Variants in ERCC6L2 observed in about 807,000 individuals in gnomAD.
The protein encoded by ERCC6L2 is DNA excision repair protein ERCC-6-like 2.
A neutral mutation model predicts 132.0 loss-of-function variants in ERCC6L2; 77 were observed. That is an observed-to-expected ratio of 0.58 (90% CI 0.49 to 0.71). The LOEUF (loss-of-function observed/expected upper bound fraction) is 0.71. Among genes scored for constraint, ERCC6L2 ranks in the 30% least tolerant of loss-of-function variants. The pLI, the probability that ERCC6L2 is intolerant of heterozygous loss-of-function variation, is 0.00. For missense variants in ERCC6L2, 1,542 were observed against 1,837.6 expected (o/e 0.84, Z 2.94); for synonymous variants, 583 against 632.4 (o/e 0.92, Z 1.17).
At chr9:95,996,661 C>G (rs1833482523) in intron 17 of ERCC6L2, among the ~76,000 whole-genome samples, 1 of 152,190 alleles carries the variant, frequency 6.6e-6, no homozygotes, top group South Asian at 2.1e-4. Flanking sequence ...TATGCCAAAT[C>G]TATTCCACTT....
At chr9:95,986,121 TTC>T (rs1481111243) in intron 17 of ERCC6L2, among the ~76,000 whole-genome samples, 2 of 152,226 alleles carry the variant, frequency 1.3e-5, no homozygotes, top group African/African-American at 2.4e-5. Context: ...TTCCTCATCT[TTC>T]TCTTTACTTG....
intron 17 of ERCC6L2, among the ~76,000 whole-genome samples, chr9:95,990,214 G>A (rs16910436): frequency 0.14 from 20,741 of 152,186 alleles, 1,481 homozygotes; most frequent in Admixed American, 0.18. Flanking sequence ...GATTATTCTA[G>A]ACAGAAAGAC....
At chr9:95,995,082 T>G (rs1196996963) in intron 17 of ERCC6L2, among the ~76,000 whole-genome samples, 1 of 152,184 alleles carries the variant, frequency 6.6e-6, no homozygotes, top group Non-Finnish European at 1.5e-5. Context: ...AACTGCTAAT[T>G]TAATCATGTG....
chr9:95,989,469 A>G (rs914630204), intron 17 of ERCC6L2, among the ~76,000 whole-genome samples: 6 of 152,254 alleles, frequency 3.9e-5, no homozygotes, highest in African/African-American at 9.6e-5. Flanking sequence ...CTATTTCACA[A>G]TATCACAGTC....
At chr9:96,012,111 C>A in intron 18 of ERCC6L2, 114 bp from the exon 19 acceptor site, 1 of 670,686 alleles carries the variant, frequency 1.5e-6, no homozygotes, top group Non-Finnish European at 2.1e-6. Context: ...CAGACGTATG[C>A]TAAAGGAACA....
Position 95,881,080 on chromosome 9 carries a change from T to A in ERCC6L2, c.258T>A (p.Asp86Glu), listed in dbSNP as rs2132513580. ...KDCPRNLIFD[D>E]EDLEKPYFPN... ...GCCCTAGGAATCTTATATTTGATGATGAAGATTTAGAAAAACCTTATTTCC... is the reference window on the plus strand; with the variant it reads ...GCCCTAGGAATCTTATATTTGATGAAGAAGATTTAGAAAAACCTTATTTCC... Residue 86 changes from aspartate to glutamate, a missense_variant, in exon 2 of 19, where the codon GAT (aspartate) becomes GAA (glutamate). Physicochemically the swap from Asp to Glu is conservative, Grantham distance 45. Transcript: ENST00000653738. 23 of 1,613,474 alleles carry A rather than the reference T, an allele frequency of 1.4e-5. No homozygotes were observed. The highest frequency in any genetic ancestry group is 1.9e-5 in the Non-Finnish European group (22 of 1,179,688).
exon 20 of ERCC6L2, chr9:96,038,946 C>T (rs926352289): frequency 4.4e-6 from 2 of 456,164 alleles, no homozygotes; most frequent in African/African-American, 4.0e-5. Flanking sequence ...CTCAAGCAGC[C>T]ATATGGAGAG....
At chr9:95,951,284 C>T (rs983304075) in intron 12 of ERCC6L2, among the ~76,000 whole-genome samples, 3 of 151,988 alleles carry the variant, frequency 2.0e-5, no homozygotes, top group African/African-American at 7.2e-5. Flanking sequence ...AAACACACAC[C>T]ACAACTTACA....
chr9:95,907,081 T>C lies in ERCC6L2; in HGVS notation c.598T>C (p.Phe200Leu), dbSNP rs1353402958. 1 of 1,592,662 alleles carries C rather than the reference T, an allele frequency of 6.3e-7. No homozygotes were observed. Among genetic ancestry groups the C allele is most frequent in the Admixed American group, 1.9e-5 (1 of 52,764 alleles). ...AATTTTTTTATTCTTGTTTTAGATG[T>C]TCTTAATAGTTGCTCCTCTTTCTGT... is the stretch of plus-strand genomic sequence containing the variant. ...EPLSSTAKKM[F>L]LIVAPLSVLY... The change falls in exon 4 of 19, where the codon TTC becomes CTC. Residue 200 changes from phenylalanine to leucine, a missense_variant. By Grantham distance (22) the Phe-to-Leu change is conservative. Coordinates refer to ENST00000653738, the MANE Select transcript of ERCC6L2 (RefSeq NM_020207.7).
intron 12 of ERCC6L2, among the ~76,000 whole-genome samples, chr9:95,946,168 T>G (rs1831053488): frequency 6.6e-6 from 1 of 152,054 alleles, no homozygotes; most frequent in South Asian, 2.1e-4. Flanking sequence ...AAGCCAAAAC[T>G]CTTATATATG....
intron 17 of ERCC6L2, among the ~76,000 whole-genome samples, chr9:96,000,250 C>G (rs1306761326): frequency 1.3e-5 from 2 of 152,118 alleles, no homozygotes; most frequent in Non-Finnish European, 2.9e-5. Flanking sequence ...ATATAAAGCC[C>G]TGGTTCAACC....
In ERCC6L2 at chr9:96,017,492, C is replaced by G. The variant is rs573095542; in HGVS notation, c.*4289C>G. On this transcript the variant is annotated 3_prime_UTR_variant, in exon 19 of 19. Coordinates refer to ENST00000653738, the MANE Select transcript of ERCC6L2 (RefSeq NM_020207.7). ...ACCTCCGGAGAGGCTTTTAAGCATG[C>G]ACATGTCCAGGGTCCTCATCAAGAG... 3.7e-3 allele frequency among the ~76,000 whole-genome samples: 569 copies of G among 152,320 alleles called. No individual in the cohort carries two copies. The highest frequency in any genetic ancestry group is 0.012 in the African/African-American group (511 of 41,568).
At chr9:96,028,774 C>G (rs1348945947) in intron 19 of ERCC6L2, among the ~76,000 whole-genome samples, 1 of 152,164 alleles carries the variant, frequency 6.6e-6, no homozygotes, top group Non-Finnish European at 1.5e-5. Context: ...GAAGGGATTA[C>G]CATTCCAAAC....
Position 95,915,738 on chromosome 9 carries a change from G to C in ERCC6L2, c.859G>C (p.Val287Leu), listed in dbSNP as rs1829552420. ...IKNPKARVTE[V>L]MKALKCNVRI... ...GAATCCAAAAGCTAGAGTAACAGAA[G>C]TTATGAAAGCTTTGAAATGTAATGT... The change falls in exon 5 of 19, where the codon GTT (valine) becomes CTT (leucine). Residue 287 changes from valine to leucine, a missense_variant. Physicochemically the swap from Val to Leu is conservative, Grantham distance 32 (BLOSUM62 1). Coordinates refer to ENST00000653738, the MANE Select transcript of ERCC6L2 (RefSeq NM_020207.7). The C allele has an allele frequency of 6.2e-7, 1 of 1,613,854 alleles. No homozygotes were observed. The highest frequency in any genetic ancestry group is 8.5e-7 in the Non-Finnish European group (1 of 1,179,902).
At chr9:95,948,305 T>G (rs768178308) in intron 12 of ERCC6L2, among the ~76,000 whole-genome samples, 3 of 152,220 alleles carry the variant, frequency 2.0e-5, no homozygotes, top group Non-Finnish European at 4.4e-5. Context: ...AATAGAGAAC[T>G]AGAATTAGAA....
In ERCC6L2 at chr9:95,923,361, A is replaced by G; in HGVS notation, c.1515A>G (p.Lys505=). 6.2e-7 allele frequency: 1 copy of G among 1,613,552 alleles called. No homozygotes were observed. Among genetic ancestry groups the G allele is most frequent in the Non-Finnish European group, 8.5e-7 (1 of 1,179,676 alleles). Residue 505 remains lysine, a synonymous_variant, in exon 9 of 19, where the codon AAA becomes AAG. Coordinates refer to ENST00000653738, the MANE Select transcript of ERCC6L2 (RefSeq NM_020207.7). ...CCTTTGAAACACTTTCTGACCCTAA[A>G]TACAGTGGAAAAATGAAGGTAAGTG... ...DAAFETLSDP[K]YSGKMKVLQQ... is the part of the protein sequence containing the mutation.
At chr9:95,951,255 A>G (rs537029299) in intron 12 of ERCC6L2, among the ~76,000 whole-genome samples, 7 of 152,326 alleles carry the variant, frequency 4.6e-5, no homozygotes, top group Non-Finnish European at 1.0e-4. Flanking sequence ...GAAGTTAGAA[A>G]ATAGCTTGAA....
intron 11 of ERCC6L2, among the ~76,000 whole-genome samples, chr9:95,938,320 T>C (rs1484809861): frequency 2.0e-5 from 3 of 151,992 alleles, no homozygotes; most frequent in African/African-American, 4.8e-5. Flanking sequence ...GAAAAAAAAG[T>C]GTGTGTGGTG....
chr9:95,876,170 G>A, intron 1 of ERCC6L2, 86 bp downstream of exon 1: 1 of 1,323,908 alleles, frequency 7.6e-7, no homozygotes, highest in Non-Finnish European at 1.1e-6. Flanking sequence ...TTCGGGTTGG[G>A]GTTTTGCCCT....
Sources: allele counts gnomAD v4.1 joint callset (sites outside exome capture counted in the v4.1 genomes callset), GRCh38; gene constraint gnomAD v4.1.1; transcripts MANE v1.5; gene names NCBI Gene and HGNC (gene_info 2026-07-23, HGNC 2026-07-21).